The following FUT8 variants were observed in gnomAD, a reference collection of about 807,000 sequenced individuals.
FUT8 encodes alpha-(1,6)-fucosyltransferase.
In FUT8, 29 loss-of-function variants were observed where a neutral mutation model predicts 71.3. The ratio of observed to expected loss-of-function variants is 0.41; its 90% CI spans 0.30 to 0.55. The LOEUF (loss-of-function observed/expected upper bound fraction) is 0.55. Ranked by LOEUF, FUT8 falls within the 20% of genes least tolerant of loss-of-function variation. The pLI is 0.34. For missense variants in FUT8, 544 were observed against 702.1 expected, an observed-to-expected ratio of 0.77 and a Z score of 2.55; for synonymous variants, 254 against 239.3, an observed-to-expected ratio of 1.06 and a Z score of -0.57.
At chr14:65,512,284 T>C (rs1183532013) in intron 2 of FUT8, among the ~76,000 whole-genome samples, 2 of 152,140 alleles carry the variant, frequency 1.3e-5, no homozygotes, top group African/African-American at 4.8e-5. Context: ...TGCCTCAGCC[T>C]CCCAGGTAGT....
chr14:65,613,554 G>A (rs912108515), intron 3 of FUT8, among the ~76,000 whole-genome samples: 1 of 152,134 alleles, frequency 6.6e-6, no homozygotes, highest in Non-Finnish European at 1.5e-5. Context: ...ACAAATGAAG[G>A]CTTTTTCATT....
chr14:65,601,805 T>C (rs982044682), intron 3 of FUT8, among the ~76,000 whole-genome samples: 1 of 152,128 alleles, frequency 6.6e-6, no homozygotes, highest in Non-Finnish European at 1.5e-5. Context: ...TTAACGCGTT[T>C]CTGCTGTTAA....
At chr14:65,420,157 AG>A (rs2065272155) in intron 1 of FUT8, among the ~76,000 whole-genome samples, 1 of 152,198 alleles carries the variant, frequency 6.6e-6, no homozygotes, top group Non-Finnish European at 1.5e-5. Context: ...AATAAAAAAA[AG>A]ATTAGTGTTT....
chr14:65,384,892 A>T, the FUT8 span, among the ~76,000 whole-genome samples: 1 of 139,632 alleles, frequency 7.2e-6, no homozygotes, highest in Non-Finnish European at 1.5e-5. This position sits in a 1 kb window ranked among gnomAD's most constrained non-coding sequence, Gnocchi z 4.2. Context: ...CTTAGGTTAG[A>T]TACTTTTTTT....
At chr14:65,381,570 T>G in the FUT8 span, among the ~76,000 whole-genome samples, 1 of 152,214 alleles carries the variant, frequency 6.6e-6, no homozygotes, top group Non-Finnish European at 1.5e-5. Flanking sequence ...CTCTTGACCC[T>G]TTGCCTTCTA....
chr14:65,361,871 C>T, the FUT8 span, among the ~76,000 whole-genome samples: 5 of 152,082 alleles, frequency 3.3e-5, no homozygotes, highest in Admixed American at 6.6e-5. Context: ...CCCAAGAATC[C>T]ACTTTTAGTG....
intron 3 of FUT8, among the ~76,000 whole-genome samples, chr14:65,571,142 A>C (rs1164446805): frequency 1.3e-5 from 2 of 152,086 alleles, no homozygotes; most frequent in Non-Finnish European, 2.9e-5. Flanking sequence ...AACTCCTTTA[A>C]ATTTAATTTG....
intron 7 of FUT8, among the ~76,000 whole-genome samples, chr14:65,697,771 C>G (rs893798029): frequency 6.6e-6 from 1 of 152,074 alleles, no homozygotes; most frequent in South Asian, 2.1e-4. Flanking sequence ...GTCAGGAATT[C>G]GAGAGCATCC....
At chr14:65,429,248 C>T (rs1675449642) in intron 1 of FUT8, among the ~76,000 whole-genome samples, 1 of 152,088 alleles carries the variant, frequency 6.6e-6, no homozygotes, top group African/African-American at 2.4e-5. Flanking sequence ...ACCTTCAGGG[C>T]TTGTTATTTT....
At chr14:65,462,490 T>A (rs2065982585) in intron 2 of FUT8, among the ~76,000 whole-genome samples, 1 of 152,220 alleles carries the variant, frequency 6.6e-6, no homozygotes, top group Non-Finnish European at 1.5e-5. Context: ...CGTTTGTCTG[T>A]CATGTCATTC....
intron 3 of FUT8, among the ~76,000 whole-genome samples, chr14:65,593,686 C>T (rs1219939343): frequency 2.0e-5 from 3 of 152,172 alleles, no homozygotes; most frequent in Non-Finnish European, 4.4e-5. Flanking sequence ...AGAGATTCTC[C>T]TGCCTCAGCC....
At chr14:65,549,333 TA>T (rs767659389) in intron 2 of FUT8, among the ~76,000 whole-genome samples, 3 of 152,122 alleles carry the variant, frequency 2.0e-5, no homozygotes, top group Non-Finnish European at 4.4e-5. Context: ...TTTAGCATTT[TA>T]AAAAGATGTT....
At chr14:65,628,513 G>A (rs1451048877) in intron 5 of FUT8, among the ~76,000 whole-genome samples, 1 of 152,156 alleles carries the variant, frequency 6.6e-6, no homozygotes, top group Non-Finnish European at 1.5e-5. Context: ...AGTGCTGGTG[G>A]TGATATGTGA....
chr14:65,518,449 C>T (rs994569269), intron 2 of FUT8, among the ~76,000 whole-genome samples: 1 of 152,114 alleles, frequency 6.6e-6, no homozygotes, highest in Non-Finnish European at 1.5e-5. Flanking sequence ...TAGCCTACAG[C>T]CTATGAATGT....
intron 2 of FUT8, among the ~76,000 whole-genome samples, chr14:65,523,531 T>A (rs1473733041): frequency 6.6e-6 from 1 of 152,238 alleles, no homozygotes; most frequent in Non-Finnish European, 1.5e-5. Context: ...GGTTGCCTGT[T>A]CACTCTGATG....
chr14:65,495,732 A>G (rs1310249319), intron 2 of FUT8, among the ~76,000 whole-genome samples: 2 of 152,188 alleles, frequency 1.3e-5, no homozygotes, highest in African/African-American at 2.4e-5. Flanking sequence ...AATTTGTAAT[A>G]TGCTAATGTT....
chr14:65,536,532 G>C (rs983485351), intron 2 of FUT8, among the ~76,000 whole-genome samples: 2 of 152,170 alleles, frequency 1.3e-5, no homozygotes, highest in Admixed American at 6.5e-5. Flanking sequence ...GGCCAGTTAT[G>C]AAGTTCTTGG....
At chr14:65,595,602 CTTTTTTTTTTTTTTT>C (rs34129010) in intron 3 of FUT8, among the ~76,000 whole-genome samples, 1 of 81,724 alleles carries the variant, frequency 1.2e-5, no homozygotes, top group Non-Finnish European at 2.2e-5. Context: ...ACACCATTCT[CTTTTTTTTTTTTTTT>C]TTTTTTTTTG....
At chr14:65,503,356 G>T (rs1372209618) in intron 2 of FUT8, among the ~76,000 whole-genome samples, 2 of 152,168 alleles carry the variant, frequency 1.3e-5, no homozygotes, top group Non-Finnish European at 2.9e-5. Flanking sequence ...CTTATTTATT[G>T]ATTGTTCCTG....
Sources: allele counts gnomAD v4.1 joint callset (sites outside exome capture counted in the v4.1 genomes callset), GRCh38; gene constraint gnomAD v4.1.1; non-coding constraint Gnocchi (gnomAD v3.1); transcripts MANE v1.5; gene names NCBI Gene and HGNC (gene_info 2026-07-23, HGNC 2026-07-21).